NAV1: variants seen among roughly 807,000 people sequenced by gnomAD.
NAV1 encodes pore membrane and/or filament interacting like protein 3.
NAV1 carries 18 observed loss-of-function variants against 175.2 expected under a neutral mutation model. The ratio of observed to expected loss-of-function variants is 0.10; its 90% CI spans 0.07 to 0.15. The LOEUF (loss-of-function observed/expected upper bound fraction) is 0.15, where lower values mean the gene tolerates loss of function less well. Among genes scored for constraint, NAV1 ranks in the 10% least tolerant of loss-of-function variants. NAV1 has a pLI of 1.00. For synonymous variants in NAV1, 897 were observed against 978.7 expected, an observed-to-expected ratio of 0.92 and a Z score of 1.56; for missense variants, 1,731 against 2,436.6, an observed-to-expected ratio of 0.71 and a Z score of 6.10.
intron 2 of NAV1, among the ~76,000 whole-genome samples, chr1:201,639,559 G>A (rs1305823266): frequency 6.6e-6 from 1 of 152,144 alleles, no homozygotes; most frequent in African/African-American, 2.4e-5. Flanking sequence ...CCAGCCCTGA[G>A]AAGAAGAAGC....
At chr1:201,562,160 T>C (rs2102465132) in intron 1 of NAV1, among the ~76,000 whole-genome samples, 1 of 145,308 alleles carries the variant, frequency 6.9e-6, no homozygotes, top group Admixed American at 7.0e-5. Context: ...ACACACCACC[T>C]TGCCTGGCTA....
At chr1:201,768,927 T>G (rs1051050458) in intron 3 of NAV1, among the ~76,000 whole-genome samples, 1 of 152,184 alleles carries the variant, frequency 6.6e-6, no homozygotes, top group Non-Finnish European at 1.5e-5. Flanking sequence ...ATTTCAAGAC[T>G]AGAGCAAATA....
At chr1:201,806,099 C>T (rs1189225686) in intron 17 of NAV1, among the ~76,000 whole-genome samples, 1 of 151,846 alleles carries the variant, frequency 6.6e-6, no homozygotes, top group Non-Finnish European at 1.5e-5. Flanking sequence ...ATTCTCCTGC[C>T]TCAGCCTCCT....
chr1:201,727,091 A>G (rs1386196639), intron 3 of NAV1, among the ~76,000 whole-genome samples: 2 of 152,182 alleles, frequency 1.3e-5, no homozygotes, highest in Non-Finnish European at 2.9e-5. Flanking sequence ...CTGTAAGATT[A>G]ATGTGAGGAT....
chr1:201,725,196 AGAG>A (rs768019922), intron 3 of NAV1, among the ~76,000 whole-genome samples: 4 of 152,218 alleles, frequency 2.6e-5, no homozygotes, highest in Non-Finnish European at 5.9e-5. Context: ...GTTTGTACAA[AGAG>A]AAGAGACCCC....
At chr1:201,552,122 G>T (rs1323013140) in intron 1 of NAV1, among the ~76,000 whole-genome samples, 1 of 152,230 alleles carries the variant, frequency 6.6e-6, no homozygotes, top group Non-Finnish European at 1.5e-5. Flanking sequence ...TGGCCACAGA[G>T]ACTGTGACAA....
At chr1:201,784,348 A>G (rs1055180786) in intron 7 of NAV1, among the ~76,000 whole-genome samples, 5 of 152,100 alleles carry the variant, frequency 3.3e-5, no homozygotes, top group Middle Eastern at 3.4e-3. Flanking sequence ...AGTAGAGACC[A>G]GGTTTCACCA....
intron 3 of NAV1, among the ~76,000 whole-genome samples, chr1:201,768,373 C>T (rs1200559260): frequency 1.4e-5 from 2 of 148,110 alleles, no homozygotes; most frequent in Admixed American, 6.7e-5. Context: ...CATGGTGGCT[C>T]ATGCCTGTAA....
At chr1:201,639,771 T>C (rs956962955) in intron 2 of NAV1, among the ~76,000 whole-genome samples, 2 of 152,172 alleles carry the variant, frequency 1.3e-5, no homozygotes, top group Non-Finnish European at 2.9e-5. Context: ...GGAGAGCCTG[T>C]GCCCCGTCCC....
chr1:201,805,639 T>C (rs748142524), intron 17 of NAV1, among the ~76,000 whole-genome samples: 4 of 152,180 alleles, frequency 2.6e-5, no homozygotes, highest in Non-Finnish European at 5.9e-5. Flanking sequence ...TGTGATACCA[T>C]TGACTGGGCA....
chr1:201,549,306 T>C (rs1342984968), intron 1 of NAV1, among the ~76,000 whole-genome samples: 2 of 151,826 alleles, frequency 1.3e-5, no homozygotes, highest in African/African-American at 2.4e-5. Context: ...CTCCCCAGGT[T>C]CAGATGATCC....
At chr1:201,622,663 GAGAGGGAAAGGGATTTGCCC>G (rs1033864071), upstream of NAV1, among the ~76,000 whole-genome samples, 1 of 152,174 alleles carries the variant, frequency 6.6e-6, no homozygotes, top group African/African-American at 2.4e-5. Context: ...TTTCAGAGCA[GAGAGGGAAAGGGATTTGCCC>G]AGAGTCCAGC....
At chr1:201,803,773 C>T in intron 16 of NAV1, 59 bp downstream of exon 20, 1 of 1,581,346 alleles carries the variant, frequency 6.3e-7, no homozygotes, top group Non-Finnish European at 8.6e-7. Context: ...GCCTTCACCT[C>T]AGCATAGGGA....
At position 201,779,493 on chromosome 1, in the gene NAV1, G is replaced by A. The variant is rs368183648; in HGVS notation, c.1227-928G>A. On this transcript the variant is annotated intron_variant, in intron 3 of 29. Transcript: ENST00000367296. ...GGTGCCTGTAATCCCAGCTTCTTGAGAGGCTGAAGCAGGAGAATTGCTTGA... is the reference window on the plus strand; with the variant it reads ...GGTGCCTGTAATCCCAGCTTCTTGAAAGGCTGAAGCAGGAGAATTGCTTGA... Among the ~76,000 whole-genome samples, 3 of 148,712 alleles carry A rather than the reference G, an allele frequency of 2.0e-5. No homozygotes were observed. In the South Asian group the frequency reaches 6.3e-4, roughly 31 times the overall value.
intron 13 of NAV1, 121 bp downstream of exon 17, chr1:201,790,887 C>T (rs1166931085): frequency 9.3e-6 from 8 of 857,888 alleles, no homozygotes; most frequent in East Asian, 7.7e-5. Flanking sequence ...CAAGGGCATG[C>T]GTCTTCTTCA....
chr1:201,809,669 G>C (rs1402431376), intron 22 of NAV1, 132 bp downstream of exon 26: 2 of 850,622 alleles, frequency 2.4e-6, no homozygotes, highest in African/African-American at 3.4e-5. Flanking sequence ...CTGCAGCCTT[G>C]AACTCTTGGG....
intron 1 of NAV1, among the ~76,000 whole-genome samples, chr1:201,649,963 G>A (rs1407080296): frequency 6.6e-6 from 1 of 152,180 alleles, no homozygotes; most frequent in African/African-American, 2.4e-5. Context: ...CGCGGTGTGA[G>A]GATTCTGGCT....
intron 13 of NAV1, 183 bp downstream of exon 17, chr1:201,790,949 A>C: frequency 3.3e-6 from 2 of 612,140 alleles, no homozygotes; most frequent in South Asian, 2.0e-5. Flanking sequence ...TCTGAGCCTC[A>C]ACTTTTATGA....
At position 201,768,015 on chromosome 1, in the gene NAV1, T is replaced by TG. The variant is rs1372356262; in HGVS notation, c.1227-12404dup. Among the ~76,000 whole-genome samples, 7 of 152,286 alleles carry TG rather than the reference T, an allele frequency of 4.6e-5. No individual in the cohort carries two copies. In the East Asian group the frequency reaches 1.2e-3, roughly 25 times the overall value. Reference sequence around the variant, plus strand: ...TCATTTGACTTGGATTTTTGTAACTTGGTCTCTCCCTATTAAGAGTTTAAG... The same window carrying TG: ...TCATTTGACTTGGATTTTTGTAACTTGGGTCTCTCCCTATTAAGAGTTTAAG... On this transcript the variant is annotated intron_variant, in intron 3 of 29. Transcript: ENST00000367296.
Sources: allele counts gnomAD v4.1 joint callset (sites outside exome capture counted in the v4.1 genomes callset), GRCh38; gene constraint gnomAD v4.1.1; transcripts MANE v1.5; gene names NCBI Gene and HGNC (gene_info 2026-07-23, HGNC 2026-07-21).